The following LY9 variants were observed in gnomAD, a reference collection of about 807,000 sequenced individuals.
The protein encoded by LY9 is T-lymphocyte surface antigen Ly-9.
A neutral mutation model predicts 64.6 loss-of-function variants in LY9; 59 were observed. The ratio of observed to expected loss-of-function variants is 0.91; its 90% CI spans 0.74 to 1.13. LY9 has a LOEUF of 1.13. LY9 is among the 50% of genes most tolerant of loss of function. The pLI is 0.00. For synonymous variants in LY9, 281 were observed against 308.5 expected, an observed-to-expected ratio of 0.91 and a Z score of 0.93; for missense variants, 789 against 797.2, an observed-to-expected ratio of 0.99 and a Z score of 0.12.
At chr1:160,798,152 G>C (rs777631213) in intron 1 of LY9, among the ~76,000 whole-genome samples, 12 of 152,142 alleles carry the variant, frequency 7.9e-5, no homozygotes, top group Admixed American at 1.3e-4. Context: ...CCTCCACTGA[G>C]AGTCTGTGAG....
rs146162790 is a variant in LY9, at chr1:160,799,978, G to A, written c.350G>A (p.Cys117Tyr). ...ATCACCAAGTGGAGTTACTCCCTGT[G>A]CATCAGCAATCTGACTCTGAATGAT... is the stretch of plus-strand genomic sequence containing the variant. ...LDITKWSYSL[C>Y]ISNLTLNDAG... is the part of the protein sequence containing the mutation. Residue 117 changes from cysteine (C) to tyrosine (Y), a missense_variant, in exon 2 of 10, where the codon TGC becomes TAC. Transcript: ENST00000263285. 2.4e-5 allele frequency: 39 copies of A among 1,614,070 alleles called. No homozygotes were observed. In the African/African-American group the frequency reaches 4.5e-4, roughly 19 times the overall value.
chr1:160,796,416 C>T (rs563771699), intron 1 of LY9, 105 bp downstream of exon 1: 21 of 1,351,388 alleles, frequency 1.6e-5, no homozygotes, highest in South Asian at 5.7e-5. Flanking sequence ...TTTTTTTTAA[C>T]GGAGTCTCAC....
At chr1:160,808,471 C>T (rs926026485) in intron 2 of LY9, among the ~76,000 whole-genome samples, 4 of 152,172 alleles carry the variant, frequency 2.6e-5, no homozygotes, top group African/African-American at 7.2e-5. Flanking sequence ...CAGTTCCGCC[C>T]CACAGTCTCC....
intron 9 of LY9, among the ~76,000 whole-genome samples, chr1:160,825,555 A>G (rs1668805372): frequency 6.6e-6 from 1 of 152,080 alleles, no homozygotes; most frequent in Admixed American, 6.5e-5. Flanking sequence ...GTCCATTCAT[A>G]CTTTTGCTTT....
At chr1:160,801,712 T>G in intron 2 of LY9, 3 of 1,125,716 alleles carry the variant, frequency 2.7e-6, no homozygotes, top group Non-Finnish European at 4.0e-6. Context: ...TTTTAACTGA[T>G]TTTGAGGAGG....
intron 2 of LY9, chr1:160,812,369 A>G (rs1264032117): frequency 6.6e-6 from 1 of 152,252 alleles, no homozygotes; most frequent in African/African-American, 2.4e-5. Flanking sequence ...CTAGAGGTTA[A>G]GACTTCAACA....
At chr1:160,805,762 C>T (rs926163412) in intron 2 of LY9, among the ~76,000 whole-genome samples, 10 of 148,098 alleles carry the variant, frequency 6.8e-5, no homozygotes, top group African/African-American at 2.2e-4. Flanking sequence ...CACACACACA[C>T]ACACACACAC....
chr1:160,823,461 C>A lies in LY9; in HGVS notation c.1499-4C>A. 1 of 1,603,256 alleles carries A rather than the reference C, an allele frequency of 6.2e-7. No individual in the cohort carries two copies. Among genetic ancestry groups the A allele is most frequent in the South Asian group, 1.1e-5 (1 of 90,400 alleles). On this transcript the variant is annotated splice_polypyrimidine_tract_variant and splice_region_variant and intron_variant, in intron 7 of 9. Transcript: ENST00000263285. ...TTTTATCAGCCCTGCACAATGTGTTCCAGAACCCACAGCTGGCCACACGCT... is the reference window on the plus strand; with the variant it reads ...TTTTATCAGCCCTGCACAATGTGTTACAGAACCCACAGCTGGCCACACGCT...
chr1:160,804,503 G>T lies in LY9; in HGVS notation c.454+4421G>T, dbSNP rs1666788667. On this transcript the variant is annotated intron_variant, in intron 2 of 9. Transcript: ENST00000263285. ...TTCTGTTTGCTAGTATTTTGCTGAG[G>T]ATTGTTGCATCTATGTTCATCAGGA... Among the ~76,000 whole-genome samples the T allele has an allele frequency of 2.0e-5, 3 of 152,136 alleles. No individual in the cohort carries two copies. In the South Asian group the frequency reaches 6.2e-4, roughly 31 times the overall value.
chr1:160,824,179 A>G lies in LY9; in HGVS notation c.1831-2A>G. 6.2e-7 allele frequency: 1 copy of G among 1,614,182 alleles called. No individual in the cohort carries two copies. The highest frequency in any genetic ancestry group is 8.5e-7 in the Non-Finnish European group (1 of 1,180,018). On this transcript the variant is annotated splice_acceptor_variant, in intron 8 of 9. Coordinates refer to ENST00000263285, the MANE Select transcript of LY9 (RefSeq NM_002348.4). LOFTEE classifies it high-confidence loss of function. ...GGCTCATCTGCTGTTGGTGTGTTAC[A>G]GGGAAAGACCCCAGTTTCTCAGAAG...
chr1:160,809,631 G>T (rs1667313006), intron 2 of LY9: 1 of 151,714 alleles, frequency 6.6e-6, no homozygotes, highest in Non-Finnish European at 1.5e-5. Context: ...AAAGAAGCTG[G>T]TATTACAGGC....
At chr1:160,814,000 A>T in intron 3 of LY9, 89 bp downstream of exon 3, 2 of 1,393,108 alleles carry the variant, frequency 1.4e-6, no homozygotes, top group East Asian at 4.6e-5. Flanking sequence ...GGTCAGACAC[A>T]CAGGGGGTGG....
intron 2 of LY9, chr1:160,810,886 G>T (rs1667420168): frequency 6.6e-6 from 1 of 152,220 alleles, no homozygotes. Context: ...GGTGGAACAG[G>T]TATGGAATAG....
At chr1:160,796,442 G>C in intron 1 of LY9, 131 bp downstream of exon 1, 2 of 1,149,708 alleles carry the variant, frequency 1.7e-6, no homozygotes, top group Non-Finnish European at 2.4e-6. Context: ...TGCCAGGCTG[G>C]AGTGAAGTGG....
chr1:160,796,309 T>A lies in LY9; in HGVS notation c.122T>A (p.Met41Lys), dbSNP rs776407272. 1 of 1,612,718 alleles carries A rather than the reference T, an allele frequency of 6.2e-7. No homozygotes were observed. Among genetic ancestry groups the A allele is most frequent in the Non-Finnish European group, 8.5e-7 (1 of 1,179,756 alleles). Residue 41 changes from methionine (M) to lysine (K), a missense_variant and splice_region_variant, in exon 1 of 10, where the codon ATG becomes AAG. By Grantham distance (95) the Met-to-Lys change is moderately conservative. Coordinates refer to ENST00000263285, the MANE Select transcript of LY9 (RefSeq NM_002348.4). ...CAGACCTCTCTCCTCTTCCTGCTCA[T>A]GGGTAAGTCCACTTTATGGCCACCA... is the stretch of plus-strand genomic sequence containing the variant. ...VLQTSLLFLL[M>K]GLRASGKDSA... is the part of the protein sequence containing the mutation.
intron 7 of LY9, 87 bp from the exon 8 acceptor site, chr1:160,823,378 G>A (rs1038215729): frequency 5.2e-6 from 5 of 955,888 alleles, no homozygotes; most frequent in Admixed American, 5.2e-5. Flanking sequence ...TCTAATGCAG[G>A]CATCAGAGCA....
rs1328801423 is a variant in LY9, at chr1:160,814,521, G to A, written c.832G>A (p.Glu278Lys). 1 of 1,614,178 alleles carries A rather than the reference G, an allele frequency of 6.2e-7. No homozygotes were observed. ...PLALPACRDT[E>K]KVVWLFNTSI... ...TGCACTCCCAGCCTGCCGGGACACAGAGAAGGTTGTCTGGTTGTTTAACAC... is the reference window on the plus strand; with the variant it reads ...TGCACTCCCAGCCTGCCGGGACACAAAGAAGGTTGTCTGGTTGTTTAACAC... The change falls in exon 4 of 10, where the codon GAG becomes AAG. Residue 278 changes from glutamate (E) to lysine (K), a missense_variant. Glu to Lys is a moderately conservative substitution (Grantham distance 56). Transcript: ENST00000263285.
intron 2 of LY9, chr1:160,802,518 A>G (rs1300044986): frequency 1.0e-6 from 1 of 985,488 alleles, no homozygotes; most frequent in Non-Finnish European, 1.2e-6. Flanking sequence ...CCAGGCACCA[A>G]CTCAGTGTTT....
At position 160,814,301 on chromosome 1, in the gene LY9, G is replaced by A. The variant is rs1023438210; in HGVS notation, c.731-119G>A. Reference sequence around the variant, plus strand: ...GCAGGCATGCCCCTCAGAGGAGGAGGCCAGGAGAAAGAGGAAGAGGAGGAG... The same window carrying A: ...GCAGGCATGCCCCTCAGAGGAGGAGACCAGGAGAAAGAGGAAGAGGAGGAG... On this transcript the variant is annotated intron_variant, in intron 3 of 9. Coordinates refer to ENST00000263285, the MANE Select transcript of LY9 (RefSeq NM_002348.4). The A allele has an allele frequency of 6.6e-6, 5 of 760,638 alleles. No homozygotes were observed. In the Admixed American group the frequency reaches 9.9e-5, roughly 15 times the overall value. 47.1% of individuals were successfully genotyped at this position (760,638 alleles called of 1,614,324 possible).
Sources: gnomAD v4.1 joint callset for allele counts (sites outside exome capture counted in the v4.1 genomes callset) on GRCh38, gnomAD v4.1.1 for gene constraint, MANE v1.5 for transcripts, NCBI Gene and HGNC (gene_info 2026-07-23, HGNC 2026-07-21) for gene names.